The following LDLRAD3 variants were observed in gnomAD, a reference collection of about 807,000 sequenced individuals.
The protein encoded by LDLRAD3 is low density lipoprotein receptor class A domain containing 3.
In LDLRAD3, 20 loss-of-function variants were observed where a neutral mutation model predicts 29.4. The observed-to-expected ratio is 0.68, with a 90% confidence interval of 0.48 to 0.99. The LOEUF (loss-of-function observed/expected upper bound fraction) is 0.99, where lower values mean the gene tolerates loss of function less well. Ranked by LOEUF, LDLRAD3 falls within the 50% of genes least tolerant of loss-of-function variation. The probability of loss-of-function intolerance (pLI) is 0.00; values close to 1 mark genes in which losing one functional copy is unlikely to be tolerated. For missense variants in LDLRAD3, 420 were observed against 454.3 expected (o/e 0.92, Z 0.69); for synonymous variants, 157 against 192.7 (o/e 0.81, Z 1.53).
chr11:36,101,835 G>C, intron 4 of LDLRAD3: 1 of 288,830 alleles, frequency 3.5e-6, no homozygotes. Flanking sequence ...GAGATAGTTT[G>C]ACTAGACAAA....
chr11:36,209,502 G>A (rs1484046495), intron 4 of LDLRAD3, among the ~76,000 whole-genome samples: 1 of 152,024 alleles, frequency 6.6e-6, no homozygotes, highest in East Asian at 1.9e-4. Context: ...TGGGATTACA[G>A]GCGCATGCCA....
At chr11:36,112,034 C>G (rs1853613561) in intron 4 of LDLRAD3, among the ~76,000 whole-genome samples, 1 of 152,226 alleles carries the variant, frequency 6.6e-6, no homozygotes, top group African/African-American at 2.4e-5. Flanking sequence ...AGTAGGTCAG[C>G]TGTTATTGAA....
At chr11:36,200,923 T>A (rs538877822) in intron 4 of LDLRAD3, among the ~76,000 whole-genome samples, 6 of 152,268 alleles carry the variant, frequency 3.9e-5, no homozygotes, top group Non-Finnish European at 8.8e-5. Flanking sequence ...TCCTTCCTGG[T>A]CCCACGCAGA....
chr11:36,051,753 C>CA (rs1191459781), intron 2 of LDLRAD3, among the ~76,000 whole-genome samples: 1 of 149,104 alleles, frequency 6.7e-6, no homozygotes, highest in Non-Finnish European at 1.5e-5. Flanking sequence ...TGCTGCCAAA[C>CA]AAAAAGAAAG....
At chr11:36,125,116 C>T (rs1236115527) in intron 4 of LDLRAD3, among the ~76,000 whole-genome samples, 1 of 152,116 alleles carries the variant, frequency 6.6e-6, no homozygotes, top group East Asian at 1.9e-4. Context: ...GTGTTTGTTC[C>T]AGGGCAGTTA....
intron 4 of LDLRAD3, among the ~76,000 whole-genome samples, chr11:36,113,688 T>TTTA (rs1262624947): frequency 6.6e-6 from 1 of 150,962 alleles, no homozygotes. Flanking sequence ...TTTTTTTTTT[T>TTTA]TTTGAGACAG....
rs763664115 is a variant in LDLRAD3, at chr11:36,229,226, C to A, written c.867C>A (p.Asp289Glu). The change falls in exon 6 of 6, where the codon GAC becomes GAA. Residue 289 changes from aspartate (D) to glutamate (E), a missense_variant. Around this residue, in one of 3 missense-constraint regions of LDLRAD3, gnomAD observed 140 missense variants for 139.9 expected, o/e 1.00. Coordinates refer to ENST00000315571, the MANE Select transcript of LDLRAD3 (RefSeq NM_174902.4). ...SSDTESLNQA[D>E]LPPYRSRSGS... ...ACACGGAATCTCTGAACCAAGCCGA[C>A]CTGCCCCCCTACCGCTCCCGGTCCG... 1 of 1,614,116 alleles carries A rather than the reference C, an allele frequency of 6.2e-7. No individual in the cohort carries two copies. The highest frequency in any genetic ancestry group is 1.1e-5 in the South Asian group (1 of 91,082).
In LDLRAD3 at chr11:36,010,692, G is replaced by A. The variant is rs149016437; in HGVS notation, c.47-25411G>A. 1.4e-4 allele frequency among the ~76,000 whole-genome samples: 22 copies of A among 152,188 alleles called. No individual in the cohort carries two copies. In the East Asian group the frequency reaches 1.5e-3, roughly 11 times the overall value. On this transcript the variant is annotated intron_variant, in intron 1 of 5. Transcript: ENST00000315571. ...CTTTCATGCCTCCATTTAGCTCAGC[G>A]TTTCATTTGGAATAGAGGTCTGCAT...
chr11:36,210,991 G>A (rs1054459183), intron 4 of LDLRAD3, among the ~76,000 whole-genome samples: 1 of 152,310 alleles, frequency 6.6e-6, no homozygotes, highest in Middle Eastern at 3.4e-3. Context: ...CGCATTTTGT[G>A]TATTAGAGTA....
At chr11:36,019,416 T>G (rs1313533223) in intron 1 of LDLRAD3, among the ~76,000 whole-genome samples, 1 of 152,202 alleles carries the variant, frequency 6.6e-6, no homozygotes, top group East Asian at 1.9e-4. Context: ...TCAGTCTTGC[T>G]TCGTGTGGAG....
intron 4 of LDLRAD3, among the ~76,000 whole-genome samples, chr11:36,224,515 C>T (rs1399020341): frequency 6.6e-6 from 1 of 152,230 alleles, no homozygotes; most frequent in African/African-American, 2.4e-5. Context: ...CCTTGAATGA[C>T]AGCTAATTGT....
At chr11:36,148,982 T>G (rs940652885) in intron 4 of LDLRAD3, among the ~76,000 whole-genome samples, 9 of 152,204 alleles carry the variant, frequency 5.9e-5, no homozygotes, top group African/African-American at 2.2e-4. Context: ...CATCCATCCA[T>G]TTAGCCAACT....
intron 2 of LDLRAD3, among the ~76,000 whole-genome samples, chr11:36,044,343 A>C (rs925824303): frequency 5.3e-5 from 8 of 152,172 alleles, no homozygotes; most frequent in Non-Finnish European, 1.0e-4. Context: ...GAGAAGGTGA[A>C]GATCAGCTCT....
intron 1 of LDLRAD3, among the ~76,000 whole-genome samples, chr11:36,002,588 G>T (rs898077266): frequency 1.3e-5 from 2 of 152,132 alleles, no homozygotes; most frequent in African/African-American, 4.8e-5. Flanking sequence ...AGCCACCCAG[G>T]GTCACACTAG....
At chr11:36,148,278 T>C (rs1485762510) in intron 4 of LDLRAD3, among the ~76,000 whole-genome samples, 3 of 152,174 alleles carry the variant, frequency 2.0e-5, no homozygotes, top group African/African-American at 7.2e-5. Context: ...TTCTCAACCC[T>C]GTGATCTTTG....
chr11:36,144,915 G>T (rs1381842626), intron 4 of LDLRAD3, among the ~76,000 whole-genome samples: 1 of 97,084 alleles, frequency 1.0e-5, no homozygotes, highest in Non-Finnish European at 2.2e-5. Context: ...GCCTCTACCC[G>T]GCCGCCCCTA....
chr11:36,022,481 C>G (rs1454368314), intron 1 of LDLRAD3, among the ~76,000 whole-genome samples: 1 of 151,584 alleles, frequency 6.6e-6, no homozygotes, highest in Admixed American at 6.6e-5. Flanking sequence ...AGTGAGAATT[C>G]TAATGTTTCC....
chr11:35,968,302 A>T, intron 1 of LDLRAD3: 1 of 377,252 alleles, frequency 2.7e-6, no homozygotes, highest in South Asian at 2.4e-5. Flanking sequence ...GTGAGCATCA[A>T]ATGCTTAGAG....
chr11:36,140,468 AC>A (rs1340575450), intron 4 of LDLRAD3, among the ~76,000 whole-genome samples: 2 of 152,192 alleles, frequency 1.3e-5, no homozygotes, highest in East Asian at 3.9e-4. Flanking sequence ...TCACTATGTC[AC>A]CCAGGCTAGG....
Sources: allele counts gnomAD v4.1 joint callset (sites outside exome capture counted in the v4.1 genomes callset), GRCh38; gene constraint gnomAD v4.1.1; regional missense constraint gnomAD v4.1.1; transcripts MANE v1.5; gene names NCBI Gene and HGNC (gene_info 2026-07-23, HGNC 2026-07-21).